The following ATF6 variants were observed in gnomAD, a reference collection of about 807,000 sequenced individuals.
ATF6 encodes the protein cyclic AMP-dependent transcription factor ATF-6 alpha.
A neutral mutation model predicts 83.6 loss-of-function variants in ATF6; 53 were observed. That is an observed-to-expected ratio of 0.63 (90% CI 0.51 to 0.80). The LOEUF (loss-of-function observed/expected upper bound fraction) is 0.80, where lower values mean the gene tolerates loss of function less well. Ranked by LOEUF, ATF6 falls within the 30% of genes least tolerant of loss-of-function variation. ATF6 has a pLI of 0.00. For synonymous variants in ATF6, 288 were observed against 285.8 expected (o/e 1.01, Z -0.08); for missense variants, 744 against 797.9 (o/e 0.93, Z 0.81).
intron 15 of ATF6, among the ~76,000 whole-genome samples, chr1:161,950,122 A>G (rs182913566): frequency 2.6e-5 from 4 of 152,346 alleles, no homozygotes; most frequent in East Asian, 1.9e-4. Flanking sequence ...TGTGACAACT[A>G]TCCAAAATAT....
At chr1:161,830,769 G>C (rs755275496) in intron 9 of ATF6, among the ~76,000 whole-genome samples, 7 of 152,258 alleles carry the variant, frequency 4.6e-5, no homozygotes, top group African/African-American at 1.2e-4. Context: ...AACTGGATCC[G>C]TTCCTTACAC....
chr1:161,905,293 A>G (rs1036446842), intron 14 of ATF6, among the ~76,000 whole-genome samples: 3 of 152,212 alleles, frequency 2.0e-5, no homozygotes, highest in Non-Finnish European at 2.9e-5. Context: ...GGGTTAAAAA[A>G]ATATATATTT....
chr1:161,876,555 T>C (rs983741463), intron 14 of ATF6, among the ~76,000 whole-genome samples: 1 of 152,160 alleles, frequency 6.6e-6, no homozygotes, highest in Admixed American at 6.5e-5. Flanking sequence ...GTTTAAAATA[T>C]CCAGTTCCAT....
intron 14 of ATF6, among the ~76,000 whole-genome samples, chr1:161,899,294 A>G (rs899008995): frequency 1.3e-5 from 2 of 152,218 alleles, no homozygotes; most frequent in African/African-American, 4.8e-5. Context: ...AGTTATTCCA[A>G]ACATTTGTAC....
chr1:161,914,575 TATC>T (rs1258124429), intron 15 of ATF6, among the ~76,000 whole-genome samples: 23 of 152,288 alleles, frequency 1.5e-4, no homozygotes, highest in Admixed American at 3.3e-4. Context: ...ATCTAGACCT[TATC>T]ATCATCAACA....
At chr1:161,816,861 A>T (rs1400067075) in intron 7 of ATF6, among the ~76,000 whole-genome samples, 1 of 151,744 alleles carries the variant, frequency 6.6e-6, no homozygotes, top group Non-Finnish European at 1.5e-5. Context: ...TACAAATCAT[A>T]TTTTTTTTGC....
chr1:161,901,634 A>C (rs1687789474), intron 14 of ATF6, among the ~76,000 whole-genome samples: 1 of 152,102 alleles, frequency 6.6e-6, no homozygotes, highest in African/African-American at 2.4e-5. Context: ...TAGTTGAAAT[A>C]TATGAAGAAA....
intron 9 of ATF6, among the ~76,000 whole-genome samples, chr1:161,827,125 G>T (rs189290288): frequency 6.6e-5 from 10 of 152,084 alleles, no homozygotes; most frequent in Non-Finnish European, 1.2e-4. Context: ...TAGAGACAGG[G>T]TTTCACCATG....
intron 15 of ATF6, among the ~76,000 whole-genome samples, chr1:161,914,865 A>G (rs1397344542): frequency 6.6e-6 from 1 of 152,138 alleles, no homozygotes; most frequent in Non-Finnish European, 1.5e-5. Context: ...ACTGCTTTCT[A>G]GGTAAACCCA....
At chr1:161,858,635 A>G (rs1280380272) in intron 12 of ATF6, among the ~76,000 whole-genome samples, 3 of 152,314 alleles carry the variant, frequency 2.0e-5, no homozygotes, top group Non-Finnish European at 4.4e-5. Flanking sequence ...GCAAAAAGTG[A>G]CAGAACTTGA....
At chr1:161,820,204 T>C (rs1685719032) in intron 8 of ATF6, among the ~76,000 whole-genome samples, 1 of 152,240 alleles carries the variant, frequency 6.6e-6, no homozygotes, top group Admixed American at 6.5e-5. Context: ...ATTTTTGCAT[T>C]CTGTTACTAT....
chr1:161,871,998 G>A (rs1481965105), intron 14 of ATF6, among the ~76,000 whole-genome samples: 2 of 151,580 alleles, frequency 1.3e-5, no homozygotes, highest in African/African-American at 2.4e-5. Flanking sequence ...GAAGTTACAA[G>A]GTGGGGCTAT....
chr1:161,912,323 C>G lies in ATF6; in HGVS notation c.1747C>G (p.His583Asp). 6.2e-7 allele frequency: 1 copy of G among 1,607,762 alleles called. No individual in the cohort carries two copies. Among genetic ancestry groups the G allele is most frequent in the Non-Finnish European group, 8.5e-7 (1 of 1,177,278 alleles). ...RDHLLLPATT[H>D]NKTTRPKMSI... is the part of the protein sequence containing the mutation. ...TCACCTGCTGTTACCAGCTACCACC[C>G]ATAACAAGACCACAAGACCAAAAAT... Residue 583 changes from histidine to aspartate, a missense_variant, in exon 15 of 16, where the codon CAT (histidine) becomes GAT (aspartate). Coordinates refer to ENST00000367942, the MANE Select transcript of ATF6 (RefSeq NM_007348.4).
intron 15 of ATF6, among the ~76,000 whole-genome samples, chr1:161,926,539 A>G (rs1244329627): frequency 1.3e-5 from 2 of 152,212 alleles, no homozygotes; most frequent in Non-Finnish European, 2.9e-5. Context: ...GCAAGTGAGT[A>G]AGAGCACTCC....
intron 7 of ATF6, among the ~76,000 whole-genome samples, chr1:161,808,604 G>T (rs1685362998): frequency 6.6e-6 from 1 of 151,840 alleles, no homozygotes; most frequent in African/African-American, 2.4e-5. Flanking sequence ...ACAGTCTGTT[G>T]CTCTGTTGCC....
chr1:161,788,234 A>G (rs2101736393), intron 4 of ATF6, among the ~76,000 whole-genome samples: 1 of 152,006 alleles, frequency 6.6e-6, no homozygotes, highest in South Asian at 2.1e-4. Flanking sequence ...CTGCCTTTTT[A>G]ATTTTTACTC....
chr1:161,810,764 TC>T (rs1685435560), intron 7 of ATF6, among the ~76,000 whole-genome samples: 1 of 152,196 alleles, frequency 6.6e-6, no homozygotes, highest in South Asian at 2.1e-4. Context: ...CCATAGTCTT[TC>T]CTCATTTCTC....
At chr1:161,847,925 A>G (rs540171775) in intron 10 of ATF6, among the ~76,000 whole-genome samples, 4 of 152,256 alleles carry the variant, frequency 2.6e-5, no homozygotes, top group Non-Finnish European at 1.5e-5. Flanking sequence ...CCACATTAGC[A>G]TAAGATAACA....
chr1:161,904,084 C>G (rs1297272423), intron 14 of ATF6, among the ~76,000 whole-genome samples: 2 of 152,106 alleles, frequency 1.3e-5, no homozygotes, highest in African/African-American at 2.4e-5. Flanking sequence ...CTTCTGATCC[C>G]AGCTTCCTAT....
Sources: gnomAD v4.1 joint callset for allele counts (sites outside exome capture counted in the v4.1 genomes callset) on GRCh38, gnomAD v4.1.1 for gene constraint, MANE v1.5 for transcripts, NCBI Gene and HGNC (gene_info 2026-07-23, HGNC 2026-07-21) for gene names.